The following CTCF variants were observed in gnomAD, a reference collection of about 807,000 sequenced individuals.
The protein encoded by CTCF is CCCTC-binding factor.
In CTCF, 7 loss-of-function variants were observed where a neutral mutation model predicts 72.3. That is an observed-to-expected ratio of 0.10 (90% confidence interval 0.06 to 0.18). CTCF has a LOEUF of 0.18. CTCF is among the 10% of genes least tolerant of loss of function. The pLI, the probability that CTCF is intolerant of heterozygous loss-of-function variation, is 1.00. For missense variants in CTCF, 516 were observed against 949.1 expected, an observed-to-expected ratio of 0.54 and a Z score of 6.00; for synonymous variants, 374 against 315.8, an observed-to-expected ratio of 1.18 and a Z score of -1.95.
At chr16:67,602,762 A>G (rs1012063818) in intron 2 of CTCF, among the ~76,000 whole-genome samples, 1 of 148,460 alleles carries the variant, frequency 6.7e-6, no homozygotes, top group Non-Finnish European at 1.5e-5. Flanking sequence ...AATCGCTTGA[A>G]CCCAGGAGTC....
At chr16:67,586,891 G>A (rs1012849401) in intron 2 of CTCF, among the ~76,000 whole-genome samples, 6 of 151,740 alleles carry the variant, frequency 4.0e-5, no homozygotes, top group African/African-American at 7.3e-5. Flanking sequence ...GCTCCTGGGC[G>A]CCTGCAATCC....
rs1196619344 is a variant in CTCF, at chr16:67,621,702, T to C, written c.1357+111T>C. 3.9e-6 allele frequency: 3 copies of C among 761,854 alleles called. No homozygotes were observed. In the African/African-American group the frequency reaches 5.2e-5, roughly 13 times the overall value. The allele number at this position is 761,854 out of a possible 1,614,324, so 47.2% of individuals were successfully genotyped here. A position where few individuals can be genotyped will look rare whatever the true frequency, so the allele number is the denominator to read the frequency against. On this transcript the variant is annotated intron_variant, in intron 7 of 11. Transcript: ENST00000264010. ...TCTGACTCTCATAACATTTTATGTA[T>C]AGGAATGGCCTGTCACTTAGTTTAG...
chr16:67,570,230 C>T (rs889343937), intron 1 of CTCF, among the ~76,000 whole-genome samples: 1 of 151,884 alleles, frequency 6.6e-6, no homozygotes, highest in African/African-American at 2.4e-5. Context: ...GCACCCGCCA[C>T]CACACCCGGC....
chr16:67,576,447 T>C (rs920470739), intron 2 of CTCF, among the ~76,000 whole-genome samples: 1 of 151,952 alleles, frequency 6.6e-6, no homozygotes, highest in Non-Finnish European at 1.5e-5. Flanking sequence ...ATGCAAATAC[T>C]TTTTTTCTTT....
rs151166206 is a variant in CTCF, at chr16:67,638,237, G to A, written c.*365G>A. The stretch of plus-strand genomic sequence containing the variant: ...CAGAGTTCTATGGTCTTCTTCCCAA[G>A]AGAGTTTTTAATTGTAAATGCATAC... On this transcript the variant is annotated 3_prime_UTR_variant, in exon 12 of 12. Transcript: ENST00000264010. 1.5e-5 allele frequency: 4 copies of A among 260,422 alleles called. 1 individual carries two copies. The Middle Eastern group carries it at 3.4e-3, about 221-fold the overall frequency. The allele number at this position is 260,422 out of a possible 1,614,324, so 16.1% of individuals were successfully genotyped here. A position where few individuals can be genotyped will look rare whatever the true frequency, so the allele number is the denominator to read the frequency against.
intron 5 of CTCF, among the ~76,000 whole-genome samples, chr16:67,618,863 A>T (rs2052165938): frequency 2.0e-5 from 3 of 152,272 alleles, no homozygotes; most frequent in Non-Finnish European, 4.4e-5. Context: ...AAATGAAGAA[A>T]CATTACAAGT....
chr16:67,594,954 C>T (rs1280214633), intron 2 of CTCF, among the ~76,000 whole-genome samples: 3 of 152,074 alleles, frequency 2.0e-5, no homozygotes, highest in East Asian at 1.9e-4. Context: ...TGGGAAGGGA[C>T]AAGACATCAG....
chr16:67,629,341 C>G, intron 9 of CTCF, 57 bp from the exon 10 acceptor site: 1 of 1,517,484 alleles, frequency 6.6e-7, no homozygotes, highest in Non-Finnish European at 8.9e-7. Flanking sequence ...TAAATAACTT[C>G]CAATCTGATC....
chr16:67,601,362 G>A (rs1308093830), intron 2 of CTCF, among the ~76,000 whole-genome samples: 1 of 139,026 alleles, frequency 7.2e-6, no homozygotes, highest in Non-Finnish European at 1.6e-5. Flanking sequence ...TTTTTAAGAC[G>A]GAGTCTCACT....
chr16:67,608,930 G>A (rs1318441126), intron 2 of CTCF, among the ~76,000 whole-genome samples: 1 of 151,940 alleles, frequency 6.6e-6, no homozygotes, highest in Non-Finnish European at 1.5e-5. Flanking sequence ...TACTTAGGAC[G>A]GGGTTTCTCC....
chr16:67,572,931 C>G (rs961726175), intron 2 of CTCF, among the ~76,000 whole-genome samples: 1 of 134,386 alleles, frequency 7.4e-6, no homozygotes, highest in African/African-American at 2.9e-5. Context: ...CAGAGTGACT[C>G]TGTCTGCCCC....
At position 67,619,004 on chromosome 16, in the gene CTCF, T is replaced by C. The variant is rs191814572; in HGVS notation, c.1087-1693T>C. On this transcript the variant is annotated intron_variant, in intron 5 of 11. Coordinates refer to ENST00000264010, the MANE Select transcript of CTCF (RefSeq NM_006565.4). ...AGCCAGTGTGATATTGCAGTAGGAA[T>C]AGATAGCTCATTGGAACAGAGTAGG... is the stretch of plus-strand genomic sequence containing the variant. 6.3e-4 allele frequency among the ~76,000 whole-genome samples: 96 copies of C among 152,336 alleles called. 2 individuals are homozygous for C. The highest frequency in any genetic ancestry group is 2.2e-3 in the African/African-American group (93 of 41,582).
At position 67,570,815 on chromosome 16, in the gene CTCF, A is replaced by G. The variant is rs1217117562; in HGVS notation, c.-126-333A>G. On this transcript the variant is annotated intron_variant, in intron 1 of 11. Transcript: ENST00000264010. ...GGCTGGAATGCAGTGGCACAATCTC[A>G]GCTCAGTACAGCCTCAAACTCCTGG... The G allele has an allele frequency of 4.1e-5, 6 of 145,036 alleles. No homozygotes were observed. The Admixed American group carries it at 4.4e-4, about 11-fold the overall frequency. The allele number at this position is 145,036 out of a possible 1,614,324, so 9.0% of individuals were successfully genotyped here. A position where few individuals can be genotyped will look rare whatever the true frequency, so the allele number is the denominator to read the frequency against.
intron 4 of CTCF, chr16:67,615,182 T>C (rs1396404630): frequency 6.6e-6 from 1 of 152,102 alleles, no homozygotes; most frequent in African/African-American, 2.4e-5. Context: ...GGGATGTAGG[T>C]GGTCATGTGG....
chr16:67,631,165 G>GT (rs931210083), intron 10 of CTCF, among the ~76,000 whole-genome samples: 33 of 131,128 alleles, frequency 2.5e-4, no homozygotes, highest in Non-Finnish European at 2.9e-4. Flanking sequence ...TTTTTTTTTT[G>GT]TTTTTTGTTT....
rs191365249 is a variant in CTCF, at chr16:67,638,270, G to C, written c.*398G>C. On this transcript the variant is annotated 3_prime_UTR_variant, in exon 12 of 12. Coordinates refer to ENST00000264010, the MANE Select transcript of CTCF (RefSeq NM_006565.4). Reference sequence around the variant, plus strand: ...TTAATTGTAAATGCATACTTGGGAAGGACTTAGAGTTTTAAACTGTTTTTT... The same window carrying C: ...TTAATTGTAAATGCATACTTGGGAACGACTTAGAGTTTTAAACTGTTTTTT... 8.7e-4 allele frequency: 210 copies of C among 242,618 alleles called. No individual in the cohort carries two copies. The highest frequency in any genetic ancestry group is 4.1e-3 in the African/African-American group (185 of 45,538). 15.0% of individuals were successfully genotyped at this position (242,618 alleles called of 1,614,324 possible).
At chr16:67,616,951 C>G (rs1038044517) in intron 5 of CTCF, 73 bp downstream of exon 5, 11 of 1,486,078 alleles carry the variant, frequency 7.4e-6, no homozygotes, top group Non-Finnish European at 1.0e-5. Context: ...GCTATAACTA[C>G]TACCCAAACG....
intron 2 of CTCF, among the ~76,000 whole-genome samples, chr16:67,578,955 A>G (rs1393243820): frequency 6.8e-6 from 1 of 146,506 alleles, no homozygotes; most frequent in Non-Finnish European, 1.5e-5. Context: ...TCTCAAAAAT[A>G]AATAAATAAA....
intron 2 of CTCF, among the ~76,000 whole-genome samples, chr16:67,598,863 A>C (rs1053131946): frequency 6.6e-6 from 1 of 152,220 alleles, no homozygotes; most frequent in South Asian, 2.1e-4. Flanking sequence ...GCCTCGGTGG[A>C]TTTACCAATT....
Sources: gnomAD v4.1 joint callset for allele counts (sites outside exome capture counted in the v4.1 genomes callset) on GRCh38, gnomAD v4.1.1 for gene constraint, MANE v1.5 for transcripts, NCBI Gene and HGNC (gene_info 2026-07-23, HGNC 2026-07-21) for gene names.